Variants in NTF4 observed in about 807,000 individuals in gnomAD.
NTF4 encodes neurotrophin-4.
A neutral mutation model predicts 4.4 loss-of-function variants in NTF4; 2 were observed. The observed-to-expected ratio is 0.46, with a 90% CI of 0.19 to 1.44. NTF4 has a LOEUF of 1.44. Among genes scored for constraint, NTF4 ranks in the 40% most tolerant of loss-of-function variants. The probability of loss-of-function intolerance (pLI) is 0.26; values close to 1 mark genes in which losing one functional copy is unlikely to be tolerated. For synonymous variants in NTF4, 127 were observed against 122.0 expected, an observed-to-expected ratio of 1.04 and a Z score of -0.27; for missense variants, 260 against 293.0, an observed-to-expected ratio of 0.89 and a Z score of 0.82.
rs752948219 is a variant in NTF4, at chr19:49,061,756, C to A, written c.242G>T (p.Gly81Val). The A allele has an allele frequency of 6.3e-6, 10 of 1,599,614 alleles. No individual in the cohort carries two copies. Among genetic ancestry groups the A allele is most frequent in the Admixed American group, 1.7e-5 (1 of 57,788 alleles). Residue 81 changes from glycine to valine, a missense_variant, in exon 1 of 1, where the codon GGG becomes GTG. Transcript: ENST00000593537. This position sits in a 1 kb window ranked among gnomAD's most constrained non-coding sequence, Gnocchi z 4.9. ...ACTCGCTGGTGCAGTTTCGCTCACC[C>A]CACGCCGGCTGCGGTTGGCCGGGGC...
chr19:49,062,415 G>A (rs1011470849), upstream of NTF4, among the ~76,000 whole-genome samples: 3 of 152,194 alleles, frequency 2.0e-5, no homozygotes, highest in African/African-American at 7.2e-5. Context: ...TTGAACCCAG[G>A]AGGCCGAGGT....
upstream of NTF4, among the ~76,000 whole-genome samples, chr19:49,062,869 A>T (rs2040170284): frequency 6.6e-6 from 1 of 152,218 alleles, no homozygotes; most frequent in Non-Finnish European, 1.5e-5. Context: ...ATACAGGCTC[A>T]GAGAAGTTAA....
rs2040139042 is a variant in NTF4 at position 49,061,543 on chromosome 19, C to T, written c.455G>A (p.Gly152Glu). ...TCCCCGGCAGCCCCCTCCACCTGCC[C>T]CCGGGCCACCTTCCTCAGCGTTATC... The change falls in exon 1 of 1, where the codon GGG (glycine) becomes GAG (glutamate). Residue 152 changes from glycine to glutamate, a missense_variant. Gly to Glu is a moderately conservative substitution (Grantham distance 98). Coordinates refer to ENST00000593537, the Ensembl canonical transcript of NTF4. This position sits in a 1 kb window ranked among gnomAD's most constrained non-coding sequence, Gnocchi z 4.9. 3 of 1,614,080 alleles carry T rather than the reference C, an allele frequency of 1.9e-6. No individual in the cohort carries two copies. Among genetic ancestry groups the T allele is most frequent in the African/African-American group, 2.7e-5 (2 of 74,938 alleles).
Position 49,061,796 on chromosome 19 carries a change from G to C in NTF4, c.202C>G (p.Arg68Gly), listed in dbSNP as rs921018899. 1 of 1,556,528 alleles carries C rather than the reference G, an allele frequency of 6.4e-7. No homozygotes were observed. The highest frequency in any genetic ancestry group is 2.4e-5 in the East Asian group (1 of 41,154). ...TTGGCCGGGGCACCTGCTGACTCCC[G>C]AAAGGCCCCAGCCTCCAGCAGGAAG... Residue 68 changes from arginine (R) to glycine (G), a missense_variant, in exon 1 of 1, where the codon CGG (arginine) becomes GGG (glycine). Coordinates refer to ENST00000593537, the Ensembl canonical transcript of NTF4. This position sits in a 1 kb window ranked among gnomAD's most constrained non-coding sequence, Gnocchi z 4.9.
At chr19:49,063,071 A>G (rs1339686971), upstream of NTF4, among the ~76,000 whole-genome samples, 1 of 152,004 alleles carries the variant, frequency 6.6e-6, no homozygotes, top group Non-Finnish European at 1.5e-5. Context: ...CAGTGGCACA[A>G]TCCTGGCTCA....
chr19:49,061,838 C>A lies in NTF4; in HGVS notation c.160G>T (p.Ala54Ser), dbSNP rs1244646862. ...AGCAGGAAGAGCAGAGGGGGCCCAG[C>A]AGGGGCACCCCTAGACAGGACTACT... Residue 54 changes from alanine to serine, a missense_variant, in exon 1 of 1, where the codon GCT becomes TCT. By Grantham distance (99) the Ala-to-Ser change is moderately conservative. Transcript: ENST00000593537. The surrounding 1 kb of genome is among the most constrained non-coding windows in gnomAD (Gnocchi z 4.9). 6.4e-7 allele frequency: 1 copy of A among 1,550,604 alleles called. No individual in the cohort carries two copies. The highest frequency in any genetic ancestry group is 2.4e-5 in the East Asian group (1 of 40,926).
upstream of NTF4, among the ~76,000 whole-genome samples, chr19:49,062,533 C>T (rs2040165733): frequency 6.6e-6 from 1 of 151,978 alleles, no homozygotes. Context: ...ACCTGTAATC[C>T]CGGCACTTTG....
upstream of NTF4, chr19:49,062,146 A>G: frequency 2.2e-6 from 2 of 919,128 alleles, no homozygotes; most frequent in Non-Finnish European, 3.1e-6. Context: ...GGGGGACCCT[A>G]TATCTAGGGC....
At chr19:49,058,998 C>G (rs1481298222), downstream of NTF4, 1 of 153,360 alleles carries the variant, frequency 6.5e-6, no homozygotes, top group Non-Finnish European at 1.4e-5. Flanking sequence ...TGGAGAAGTT[C>G]AGGATTTCAG....
rs1354038145 is a variant in NTF4, at chr19:49,061,123, G to A, written c.*242C>T. 2 of 651,664 alleles carry A rather than the reference G, an allele frequency of 3.1e-6. No homozygotes were observed. The highest frequency in any genetic ancestry group is 3.7e-5 in the African/African-American group (2 of 54,698). The allele number at this position is 651,664 out of a possible 1,614,324, so 40.4% of individuals were successfully genotyped here. ...AGGGATAAGAAACAGTAAACACTCA[G>A]TAAATAGTGGCTATTATTATTATAT... On this transcript the variant is annotated 3_prime_UTR_variant, in exon 1 of 1. Coordinates refer to ENST00000593537, the Ensembl canonical transcript of NTF4. This position sits in a 1 kb window ranked among gnomAD's most constrained non-coding sequence, Gnocchi z 4.9.
At chr19:49,060,048 A>C (rs2040114589), downstream of NTF4, among the ~76,000 whole-genome samples, 1 of 132,096 alleles carries the variant, frequency 7.6e-6, no homozygotes, top group African/African-American at 2.8e-5. Context: ...AAAAAAAAAA[A>C]AAAAAAAAAA....
At chr19:49,059,962 G>C (rs538554711), downstream of NTF4, among the ~76,000 whole-genome samples, 1 of 144,316 alleles carries the variant, frequency 6.9e-6, no homozygotes, top group Non-Finnish European at 1.5e-5. Flanking sequence ...ACTTCAACCC[G>C]GGAGGTGAAG....
At chr19:49,060,266 C>A (rs1221434045), downstream of NTF4, among the ~76,000 whole-genome samples, 1 of 151,848 alleles carries the variant, frequency 6.6e-6, no homozygotes, top group African/African-American at 2.4e-5. Flanking sequence ...GGACAGTGAC[C>A]CCCTGATCCT....
At chr19:49,060,588 G>T (rs1421491461), downstream of NTF4, 1 of 151,984 alleles carries the variant, frequency 6.6e-6, no homozygotes. Flanking sequence ...CACCCACCTC[G>T]GCCTCCCAAA....
At chr19:49,063,012 A>ATT (rs34534089), upstream of NTF4, among the ~76,000 whole-genome samples, 1,236 of 147,236 alleles carry the variant, frequency 8.4e-3, 12 homozygotes, top group Non-Finnish European at 0.012. Context: ...GTTCCAAACA[A>ATT]TTTTTTTTTT....
At chr19:49,059,509 A>G (rs557069700), downstream of NTF4, among the ~76,000 whole-genome samples, 32 of 152,284 alleles carry the variant, frequency 2.1e-4, no homozygotes, top group African/African-American at 7.7e-4. Context: ...GACAGAGATG[A>G]AGGTGGCAAA....
In NTF4 at chr19:49,061,341, C is replaced by T; in HGVS notation, c.*24G>A. 1 of 1,611,222 alleles carries T rather than the reference C, an allele frequency of 6.2e-7. No individual in the cohort carries two copies. The highest frequency in any genetic ancestry group is 8.5e-7 in the Non-Finnish European group (1 of 1,179,978). On this transcript the variant is annotated 3_prime_UTR_variant, in exon 1 of 1. Transcript: ENST00000593537. This position sits in a 1 kb window ranked among gnomAD's most constrained non-coding sequence, Gnocchi z 4.9. ...CCCTGAGGTCTCTCAGCATCCAGCTCTGTTATTTTCCTGGGCATGGGTCTC... is the reference window on the plus strand; with the variant it reads ...CCCTGAGGTCTCTCAGCATCCAGCTTTGTTATTTTCCTGGGCATGGGTCTC...
chr19:49,058,685 T>C (rs62127894), downstream of NTF4: 75,118 of 250,480 alleles, frequency 0.3, 11,826 homozygotes, highest in South Asian at 0.38. Flanking sequence ...GAGATGCCAG[T>C]TGGGCCAGGA....
chr19:49,059,419 G>A (rs1234165010), downstream of NTF4, among the ~76,000 whole-genome samples: 1 of 152,154 alleles, frequency 6.6e-6, no homozygotes, highest in African/African-American at 2.4e-5. Context: ...AGAAAGGGGA[G>A]AGACAGGGAG....
Sources: gnomAD v4.1 joint callset for allele counts (sites outside exome capture counted in the v4.1 genomes callset) on GRCh38, gnomAD v4.1.1 for gene constraint, Gnocchi (gnomAD v3.1) non-coding constraint, MANE v1.5 for transcripts, NCBI Gene and HGNC (gene_info 2026-07-23, HGNC 2026-07-21) for gene names.